The following CTNNBL1 variants were observed in gnomAD, a reference collection of about 807,000 sequenced individuals.
The protein encoded by CTNNBL1 is catenin beta like 1, also known as beta-catenin-like protein 1.
Under a neutral mutation model 72.7 loss-of-function variants are expected in CTNNBL1, and 31 were observed. The observed-to-expected ratio is 0.43, with a 90% CI of 0.32 to 0.58. CTNNBL1 has a LOEUF of 0.58. Ranked by LOEUF, CTNNBL1 falls within the 20% of genes least tolerant of loss-of-function variation. The pLI is 0.08. For missense variants in CTNNBL1, 534 were observed against 725.1 expected (o/e 0.74, Z 3.03); for synonymous variants, 240 against 267.3 (o/e 0.90, Z 1.00).
chr20:37,827,861 G>T (rs1009252510), intron 11 of CTNNBL1, among the ~76,000 whole-genome samples: 3 of 152,172 alleles, frequency 2.0e-5, no homozygotes, highest in Non-Finnish European at 2.9e-5. Context: ...GTAGTTGAGT[G>T]TGCAGGCCTC....
At chr20:37,781,476 C>A (rs979333369) in intron 10 of CTNNBL1, among the ~76,000 whole-genome samples, 1 of 152,064 alleles carries the variant, frequency 6.6e-6, no homozygotes, top group African/African-American at 2.4e-5. Flanking sequence ...AGGAGAGCTC[C>A]AAAAAACTTA....
intron 9 of CTNNBL1, 53 bp from the exon 10 acceptor site, chr20:37,779,134 A>G (rs1031703869): frequency 3.1e-6 from 5 of 1,589,928 alleles, no homozygotes; most frequent in Non-Finnish European, 4.3e-6. Context: ...ATGGAGGCTC[A>G]TGAAAAGACA....
intron 11 of CTNNBL1, among the ~76,000 whole-genome samples, chr20:37,813,214 C>A (rs2072027731): frequency 1.3e-5 from 2 of 152,136 alleles, no homozygotes; most frequent in Admixed American, 1.3e-4. Flanking sequence ...GGTACCAGTC[C>A]TTGCTGAGGA....
chr20:37,767,162 G>T (rs546061147), intron 6 of CTNNBL1, among the ~76,000 whole-genome samples: 5 of 152,080 alleles, frequency 3.3e-5, no homozygotes, highest in Admixed American at 1.3e-4. Flanking sequence ...ACACAGAAGT[G>T]TATCTGTTTC....
intron 3 of CTNNBL1, among the ~76,000 whole-genome samples, chr20:37,741,263 A>T (rs2073213590): frequency 6.6e-6 from 1 of 152,224 alleles, no homozygotes; most frequent in South Asian, 2.1e-4. Context: ...AGTTCTCTGC[A>T]AATAGTAGTG....
chr20:37,700,289 G>A lies in CTNNBL1; in HGVS notation c.30+6137G>A, dbSNP rs373153337. 4.6e-5 allele frequency among the ~76,000 whole-genome samples: 7 copies of A among 152,214 alleles called. No individual in the cohort carries two copies. The East Asian group carries it at 5.8e-4, about 13-fold the overall frequency. On this transcript the variant is annotated intron_variant, in intron 1 of 15. Transcript: ENST00000361383. The stretch of plus-strand genomic sequence containing the variant: ...AAATTCAGAGACTAAGATGGATGCC[G>A]TTTCTAAAATTCAGAGACTAAGCCA...
At chr20:37,721,729 C>T (rs1472029032) in intron 1 of CTNNBL1, among the ~76,000 whole-genome samples, 1 of 152,214 alleles carries the variant, frequency 6.6e-6, no homozygotes, top group Non-Finnish European at 1.5e-5. Context: ...TTATTATTCT[C>T]ATGTACTTTT....
chr20:37,726,879 G>A (rs748832373), intron 1 of CTNNBL1, among the ~76,000 whole-genome samples: 85 of 152,120 alleles, frequency 5.6e-4, no homozygotes, highest in Non-Finnish European at 4.6e-4. Context: ...CTTGCATTAT[G>A]TGTTTTCATA....
At chr20:37,805,134 A>G (rs1437966574) in intron 11 of CTNNBL1, among the ~76,000 whole-genome samples, 1 of 152,232 alleles carries the variant, frequency 6.6e-6, no homozygotes, top group Non-Finnish European at 1.5e-5. Context: ...CGCACTGTGC[A>G]GGGTTTCTTT....
At chr20:37,732,351 A>G (rs1489467519) in intron 1 of CTNNBL1, among the ~76,000 whole-genome samples, 2 of 152,218 alleles carry the variant, frequency 1.3e-5, no homozygotes, top group South Asian at 2.1e-4. Flanking sequence ...GAGTAACTGT[A>G]AAAAAGGCTT....
intron 10 of CTNNBL1, among the ~76,000 whole-genome samples, chr20:37,789,190 G>A (rs1432559818): frequency 2.0e-5 from 3 of 152,180 alleles, no homozygotes; most frequent in Admixed American, 6.5e-5. Context: ...GGTGGAAGAC[G>A]CAGAACCTCT....
intron 10 of CTNNBL1, among the ~76,000 whole-genome samples, chr20:37,798,435 T>G (rs1454978609): frequency 1.3e-5 from 2 of 152,180 alleles, no homozygotes; most frequent in Admixed American, 1.3e-4. Context: ...GACAGCCTGA[T>G]GAACCCAGAC....
intron 10 of CTNNBL1, among the ~76,000 whole-genome samples, chr20:37,789,140 C>T (rs992446215): frequency 2.6e-5 from 4 of 152,096 alleles, no homozygotes; most frequent in Non-Finnish European, 4.4e-5. Context: ...CATTTGCTCA[C>T]ATTAGTGTCT....
At chr20:37,837,423 T>C (rs560560914) in intron 11 of CTNNBL1, among the ~76,000 whole-genome samples, 1 of 152,296 alleles carries the variant, frequency 6.6e-6, no homozygotes, top group South Asian at 2.1e-4. Context: ...AGAAGGTATA[T>C]AGTACCTCTG....
At chr20:37,741,313 G>A (rs897816700) in intron 3 of CTNNBL1, among the ~76,000 whole-genome samples, 1 of 152,170 alleles carries the variant, frequency 6.6e-6, no homozygotes, top group African/African-American at 2.4e-5. Context: ...GGCTGTGCTT[G>A]GTCAGGCAAA....
Position 37,842,356 on chromosome 20 carries a change from G to T in CTNNBL1, c.1329G>T (p.Glu443Asp). 1 of 1,613,284 alleles carries T rather than the reference G, an allele frequency of 6.2e-7. No homozygotes were observed. Among genetic ancestry groups the T allele is most frequent in the Non-Finnish European group, 8.5e-7 (1 of 1,179,184 alleles). Residue 443 changes from glutamate to aspartate, a missense_variant, in exon 13 of 16, where the codon GAG (glutamate) becomes GAT (aspartate). Transcript: ENST00000361383. ...TCTTTCAGGTTGACAGACTAATGGAGTTGCATTTTAAATATCTGGGTGCAA... is the reference window on the plus strand; with the variant it reads ...TCTTTCAGGTTGACAGACTAATGGATTTGCATTTTAAATATCTGGGTGCAA... ...NDSEKVDRLM[E>D]LHFKYLGAMQ...
chr20:37,756,841 C>T (rs764060654), intron 4 of CTNNBL1, among the ~76,000 whole-genome samples: 37 of 151,310 alleles, frequency 2.4e-4, no homozygotes, highest in Non-Finnish European at 4.7e-4. Flanking sequence ...GAGTCAAGGT[C>T]TCACTATGTT....
chr20:37,770,882 C>A (rs1451384421), intron 7 of CTNNBL1, among the ~76,000 whole-genome samples: 1 of 152,172 alleles, frequency 6.6e-6, no homozygotes, highest in Non-Finnish European at 1.5e-5. Flanking sequence ...GAAATAAAGT[C>A]CTGCTTAAGG....
At chr20:37,801,985 C>T (rs946055931) in intron 10 of CTNNBL1, among the ~76,000 whole-genome samples, 2 of 152,158 alleles carry the variant, frequency 1.3e-5, no homozygotes, top group African/African-American at 2.4e-5. Context: ...AACTAGCAAA[C>T]GAGTTTAGCA....
Sources: gnomAD v4.1 joint callset for allele counts (sites outside exome capture counted in the v4.1 genomes callset) on GRCh38, gnomAD v4.1.1 for gene constraint, MANE v1.5 for transcripts, NCBI Gene and HGNC (gene_info 2026-07-23, HGNC 2026-07-21) for gene names.